Variants in CDAN1 observed in about 807,000 individuals in gnomAD.
CDAN1 encodes codanin-1.
In CDAN1, 107 loss-of-function variants were observed where a neutral mutation model predicts 139.8. That is an observed-to-expected ratio of 0.77 (90% CI 0.65 to 0.90). The LOEUF is 0.90. Among genes scored for constraint, CDAN1 ranks in the 40% least tolerant of loss-of-function variants. The probability of loss-of-function intolerance (pLI) is 0.00; values close to 1 mark genes in which losing one functional copy is unlikely to be tolerated. For synonymous variants in CDAN1, 776 were observed against 660.6 expected (o/e 1.17, Z -2.68); for missense variants, 1,667 against 1,575.7 (o/e 1.06, Z -0.98).
chr15:42,725,733 C>A, intron 25 of CDAN1, 63 bp from the exon 26 acceptor site: 1 of 1,549,250 alleles, frequency 6.5e-7, no homozygotes, highest in South Asian at 1.1e-5. Flanking sequence ...TGACTCACAC[C>A]TATAATCCCA....
At chr15:42,726,750 C>T in intron 23 of CDAN1, 1 of 387,560 alleles carries the variant, frequency 2.6e-6, no homozygotes, top group Non-Finnish European at 4.8e-6. Context: ...AGGAAACCGG[C>T]CTATCAGATA....
chr15:42,731,436 G>A, intron 11 of CDAN1, 105 bp from the exon 12 acceptor site: 19 of 1,529,916 alleles, frequency 1.2e-5, no homozygotes, highest in Non-Finnish European at 1.5e-5. Flanking sequence ...GACAGACAGG[G>A]AGGCCCAGGA....
chr15:42,728,147 C>A (rs546806428), intron 21 of CDAN1, 57 bp downstream of exon 21: 375 of 1,600,042 alleles, frequency 2.3e-4, no homozygotes, highest in Non-Finnish European at 2.8e-4. Flanking sequence ...TCAGACTACT[C>A]CGTGCACCTC....
chr15:42,729,505 G>C, intron 17 of CDAN1, 63 bp downstream of exon 17: 1 of 1,607,758 alleles, frequency 6.2e-7, no homozygotes, highest in Non-Finnish European at 8.5e-7. Context: ...GGGCCAAGGG[G>C]GTGCCTTTTG....
rs80338699 is a variant in CDAN1 at position 42,725,550 on chromosome 15, G to A, written c.3389C>T (p.Pro1130Leu). Residue 1130 changes from proline to leucine, a missense_variant, in exon 26 of 28, where the codon CCG becomes CTG. Around this residue, in one of 3 missense-constraint regions of CDAN1, gnomAD observed 936 missense variants for 844.1 expected, o/e 1.11. Coordinates refer to ENST00000356231, the MANE Select transcript of CDAN1 (RefSeq NM_138477.4). ...LWKEDFQGPV[P>L]LQLLLSPRNV... ...TCTTGGGCTCAGCAGCAGCTGCAGC[G>A]GAACCGGCCCCTGAAAGTCTTCCTT... 2.7e-5 allele frequency: 43 copies of A among 1,614,028 alleles called. No homozygotes were observed. Among genetic ancestry groups the A allele is most frequent in the African/African-American group, 6.7e-5 (5 of 74,916 alleles).
chr15:42,724,369 G>T lies in CDAN1; in HGVS notation c.*122C>A. 7.5e-7 allele frequency: 1 copy of T among 1,325,256 alleles called. No homozygotes were observed. Among genetic ancestry groups the T allele is most frequent in the Non-Finnish European group, 1.0e-6 (1 of 956,436 alleles). The allele number at this position is 1,325,256 out of a possible 1,614,324, so 82.1% of individuals were successfully genotyped here. A position where few individuals can be genotyped will look rare whatever the true frequency, so the allele number is the denominator to read the frequency against. ...GGCAGTGACACCCTTAGAGCAGGAA[G>T]TCTGACTGTAGACCCAGCTACACCC... On this transcript the variant is annotated 3_prime_UTR_variant, in exon 28 of 28. Transcript: ENST00000356231.
At chr15:42,734,900 T>C (rs888308366) in intron 6 of CDAN1, among the ~76,000 whole-genome samples, 200 bp downstream of exon 6, 5 of 151,164 alleles carry the variant, frequency 3.3e-5, no homozygotes, top group Non-Finnish European at 7.4e-5. Context: ...AATGCAGGCG[T>C]GAGCCACCAC....
At chr15:42,728,572 AAAAGAGTAAGTGTG>A (rs2061563707) in intron 20 of CDAN1, 66 bp downstream of exon 20, 1 of 1,577,158 alleles carries the variant, frequency 6.3e-7, no homozygotes, top group African/African-American at 1.3e-5. Context: ...AGAAAGGGAA[AAAAGAGTAAGTGTG>A]AAGGAGGAAA....
intron 25 of CDAN1, 114 bp downstream of exon 25, chr15:42,725,975 CAAAAAAAA>C (rs886492399): frequency 7.2e-4 from 255 of 354,148 alleles, no homozygotes; most frequent in Middle Eastern, 2.2e-3. Context: ...GATTCCGTCT[CAAAAAAAA>C]AAAAAAAAAA....
intron 6 of CDAN1, 129 bp downstream of exon 6, chr15:42,734,971 A>G (rs992422944): frequency 2.7e-6 from 2 of 732,154 alleles, no homozygotes; most frequent in Admixed American, 4.1e-5. Flanking sequence ...AAAATTAAAG[A>G]AAGATTATAG....
intron 17 of CDAN1, 101 bp from the exon 18 acceptor site, chr15:42,729,463 T>C: frequency 6.2e-7 from 1 of 1,601,092 alleles, no homozygotes; most frequent in Non-Finnish European, 8.6e-7. Flanking sequence ...TACCCAGGAA[T>C]GACTATGAAC....
chr15:42,731,589 C>A, intron 11 of CDAN1, 31 bp downstream of exon 11: 1 of 1,609,048 alleles, frequency 6.2e-7, no homozygotes, highest in Non-Finnish European at 8.5e-7. Flanking sequence ...TGGCCTCTGC[C>A]CCATTCCTTG....
intron 20 of CDAN1, 58 bp from the exon 21 acceptor site, chr15:42,728,325 TAAATGCCCC>T: frequency 1.3e-6 from 2 of 1,570,912 alleles, no homozygotes; most frequent in South Asian, 2.2e-5. Flanking sequence ...GCTGCAGAAG[TAAATGCCCC>T]GAGTGCACCA....
At chr15:42,731,393 A>G (rs2061609911) in intron 11 of CDAN1, 62 bp from the exon 12 acceptor site, 2 of 1,607,384 alleles carry the variant, frequency 1.2e-6, no homozygotes, top group Non-Finnish European at 1.7e-6. Context: ...GCCAGAATCG[A>G]GAAGGGGCAC....
chr15:42,731,683 C>T lies in CDAN1; in HGVS notation c.1676G>A (p.Cys559Tyr). 6.2e-7 allele frequency: 1 copy of T among 1,614,052 alleles called. No homozygotes were observed. Among genetic ancestry groups the T allele is most frequent in the Non-Finnish European group, 8.5e-7 (1 of 1,179,982 alleles). ...LMAPQSSGGP[C>Y]PPPTFPGCQG... ...ACAGCCTGGGAAGGTGGGGGGTGGGCAGGGCCCCCCACTGCTCTGAGGAGC... is the reference window on the plus strand; with the variant it reads ...ACAGCCTGGGAAGGTGGGGGGTGGGTAGGGCCCCCCACTGCTCTGAGGAGC... Residue 559 changes from cysteine (C) to tyrosine (Y), a missense_variant, in exon 11 of 28, where the codon TGC (cysteine) becomes TAC (tyrosine). This residue lies in a region of CDAN1 where 936 missense variants were observed against 844.1 expected (regional missense o/e 1.11). Coordinates refer to ENST00000356231, the MANE Select transcript of CDAN1 (RefSeq NM_138477.4).
At chr15:42,734,950 A>G in intron 6 of CDAN1, 150 bp downstream of exon 6, 1 of 707,964 alleles carries the variant, frequency 1.4e-6, no homozygotes, top group Non-Finnish European at 2.6e-6. Context: ...CTACATTCAT[A>G]GCCTTAACAC....
At chr15:42,729,387 C>A (rs141733880) in intron 17 of CDAN1, 25 bp from the exon 18 acceptor site, 10 of 1,614,036 alleles carry the variant, frequency 6.2e-6, no homozygotes, top group Non-Finnish European at 8.5e-6. Context: ...TCCAAGTTCT[C>A]AGTTCCAGAA....
Position 42,729,086 on chromosome 15 carries a change from G to A in CDAN1, c.2582C>T (p.Ser861Phe), listed in dbSNP as rs1486280268. The A allele has an allele frequency of 7.4e-6, 12 of 1,614,104 alleles. No homozygotes were observed. Reference protein sequence around the residue: ...AQAFFHNQPPSLRRTVEFVAE... With the variant: ...AQAFFHNQPPFLRRTVEFVAE... ...CACGAACTCTACGGTCCGGCGCAAG[G>A]AGGGCGGCTGGTTGTGGAAAAAGGC... The change falls in exon 19 of 28, where the codon TCC (serine) becomes TTC (phenylalanine). Residue 861 changes from serine to phenylalanine, a missense_variant. Physicochemically the swap from Ser to Phe is radical, Grantham distance 155. Transcript: ENST00000356231.
chr15:42,732,150 G>C lies in CDAN1; in HGVS notation c.1533+183C>G, dbSNP rs533106954. ...GCTGCAGGGCCCGGGATGTGTCAAAGAGAGTGCCCTGGCTTTTCTGTGGCC... is the reference window on the plus strand; with the variant it reads ...GCTGCAGGGCCCGGGATGTGTCAAACAGAGTGCCCTGGCTTTTCTGTGGCC... On this transcript the variant is annotated intron_variant, in intron 10 of 27. Coordinates refer to ENST00000356231, the MANE Select transcript of CDAN1 (RefSeq NM_138477.4). 1.4e-4 allele frequency among the ~76,000 whole-genome samples: 21 copies of C among 152,334 alleles called. No individual in the cohort carries two copies. In the South Asian group the frequency reaches 3.9e-3, roughly 29 times the overall value.
Sources: gnomAD v4.1 joint callset for allele counts (sites outside exome capture counted in the v4.1 genomes callset) on GRCh38, gnomAD v4.1.1 for gene constraint, gnomAD v4.1.1 regional missense constraint, MANE v1.5 for transcripts, NCBI Gene and HGNC (gene_info 2026-07-23, HGNC 2026-07-21) for gene names.